RPS6KC1: variants seen among roughly 807,000 people sequenced by gnomAD.
The protein encoded by RPS6KC1 is inactive ribosomal protein S6 kinase delta-1.
RPS6KC1 carries 54 observed loss-of-function variants against 103.8 expected under a neutral mutation model. The observed-to-expected ratio is 0.52, with a 90% CI of 0.42 to 0.65. RPS6KC1 has a LOEUF of 0.65. Among genes scored for constraint, RPS6KC1 ranks in the 30% least tolerant of loss-of-function variants. RPS6KC1 has a pLI of 0.00. For synonymous variants in RPS6KC1, 439 were observed against 438.7 expected (o/e 1.00, Z -0.01); for missense variants, 1,151 against 1,253.8 (o/e 0.92, Z 1.24).
chr1:213,479,933 A>G, the RPS6KC1 span, among the ~76,000 whole-genome samples: 20 of 151,930 alleles, frequency 1.3e-4, no homozygotes, highest in Admixed American at 3.9e-4. Context: ...TAAATTGGGT[A>G]TGTTTCTGGT....
chr1:213,176,898 G>A (rs1361081768), intron 8 of RPS6KC1, among the ~76,000 whole-genome samples: 5 of 151,908 alleles, frequency 3.3e-5, no homozygotes, highest in African/African-American at 9.7e-5. Flanking sequence ...ACTATATGTC[G>A]GACCCTATGT....
intron 8 of RPS6KC1, among the ~76,000 whole-genome samples, chr1:213,229,777 G>T (rs1452707781): frequency 6.6e-6 from 1 of 152,188 alleles, no homozygotes; most frequent in African/African-American, 2.4e-5. Flanking sequence ...TTCTCTCAGT[G>T]AGATAAGAAG....
At chr1:213,387,000 A>T in the RPS6KC1 span, among the ~76,000 whole-genome samples, 2 of 151,090 alleles carry the variant, frequency 1.3e-5, no homozygotes, top group Non-Finnish European at 3.0e-5. Flanking sequence ...TTTTCTCTCA[A>T]ACTACCTTAG....
At chr1:213,477,463 A>G in the RPS6KC1 span, among the ~76,000 whole-genome samples, 1 of 152,024 alleles carries the variant, frequency 6.6e-6, no homozygotes, top group East Asian at 1.9e-4. Context: ...TTTACTTTAT[A>G]CATTTCTCTG....
chr1:213,757,635 TAGC>T, the RPS6KC1 span, among the ~76,000 whole-genome samples: 1 of 152,178 alleles, frequency 6.6e-6, no homozygotes, highest in Non-Finnish European at 1.5e-5. Context: ...AGCAAGATCT[TAGC>T]AGAAGATCTA....
chr1:213,630,678 C>G, the RPS6KC1 span, among the ~76,000 whole-genome samples: 1 of 152,148 alleles, frequency 6.6e-6, no homozygotes, highest in East Asian at 1.9e-4. Flanking sequence ...TTTTGTTTTT[C>G]TGCTCTGTTT....
chr1:213,161,891 C>T (rs1370992079), intron 6 of RPS6KC1, among the ~76,000 whole-genome samples: 1 of 152,134 alleles, frequency 6.6e-6, no homozygotes, highest in Non-Finnish European at 1.5e-5. Context: ...AATTATTGGA[C>T]TCTAGATTCT....
intron 1 of RPS6KC1, among the ~76,000 whole-genome samples, chr1:213,068,337 C>T (rs554321778): frequency 4.6e-4 from 70 of 151,480 alleles, no homozygotes; most frequent in African/African-American, 1.6e-3. Context: ...TACAAAAATT[C>T]GCTGGGCATG....
At chr1:213,466,813 C>T in the RPS6KC1 span, among the ~76,000 whole-genome samples, 1 of 152,106 alleles carries the variant, frequency 6.6e-6, no homozygotes, top group East Asian at 1.9e-4. Flanking sequence ...AATGTATGGG[C>T]TGTGGTTTTT....
the RPS6KC1 span, among the ~76,000 whole-genome samples, chr1:213,465,284 C>G: frequency 6.6e-6 from 1 of 152,160 alleles, no homozygotes; most frequent in Non-Finnish European, 1.5e-5. Context: ...TCCTGGGGAA[C>G]CTGAACTTTA....
chr1:213,724,472 C>A, the RPS6KC1 span, among the ~76,000 whole-genome samples: 1 of 152,180 alleles, frequency 6.6e-6, no homozygotes, highest in African/African-American at 2.4e-5. Context: ...CAATACAAAC[C>A]TGAGATCACA....
intron 6 of RPS6KC1, among the ~76,000 whole-genome samples, chr1:213,150,728 C>T (rs1229890016): frequency 3.3e-5 from 5 of 152,296 alleles, no homozygotes; most frequent in African/African-American, 4.8e-5. Flanking sequence ...TACACAGACA[C>T]GGCAACCATC....
the RPS6KC1 span, among the ~76,000 whole-genome samples, chr1:213,680,361 C>T: frequency 1.2e-3 from 183 of 152,254 alleles, 2 homozygotes; most frequent in African/African-American, 3.9e-3. Context: ...CTTCTGAGTC[C>T]CAGCCCGGCT....
chr1:213,356,729 A>C, the RPS6KC1 span, among the ~76,000 whole-genome samples: 29 of 152,184 alleles, frequency 1.9e-4, no homozygotes, highest in Non-Finnish European at 2.2e-4. Flanking sequence ...CTCTGCCTTC[A>C]TCACTACACC....
the RPS6KC1 span, among the ~76,000 whole-genome samples, chr1:213,602,182 C>CTTTCTTTCTTTCTTTCTTTCTTTCTTT: frequency 1.0e-5 from 1 of 97,732 alleles, no homozygotes; most frequent in African/African-American, 4.5e-5. Flanking sequence ...TTCTTTCTTT[C>CTTTCTTTCTTTCTTTCTTTCTTTCTTT]TTTCTTTTTC....
the RPS6KC1 span, among the ~76,000 whole-genome samples, chr1:213,531,722 A>T: frequency 6.6e-6 from 1 of 152,246 alleles, no homozygotes; most frequent in Non-Finnish European, 1.5e-5. Context: ...TCCTAAACTC[A>T]GCATGGCCTT....
intron 8 of RPS6KC1, among the ~76,000 whole-genome samples, chr1:213,225,408 G>A (rs887389028): frequency 1.1e-4 from 17 of 151,144 alleles, no homozygotes; most frequent in Non-Finnish European, 2.2e-4. Context: ...TTTTTTTTTG[G>A]AGATGGAGTC....
chr1:213,435,586 C>G, the RPS6KC1 span, among the ~76,000 whole-genome samples: 2 of 152,190 alleles, frequency 1.3e-5, no homozygotes, highest in Admixed American at 1.3e-4. Flanking sequence ...TTTATGTTTG[C>G]TCACTAATGA....
intron 8 of RPS6KC1, among the ~76,000 whole-genome samples, chr1:213,219,857 TG>T: frequency 2.7e-5 from 1 of 37,156 alleles, no homozygotes; most frequent in Middle Eastern, 0.017. Context: ...GGGCCTGTTG[TG>T]GGGTGGGGGG....
Sources: gnomAD v4.1 joint callset for allele counts (sites outside exome capture counted in the v4.1 genomes callset) on GRCh38, gnomAD v4.1.1 for gene constraint, MANE v1.5 for transcripts, NCBI Gene and HGNC (gene_info 2026-07-23, HGNC 2026-07-21) for gene names.